ZFAND6: variants seen among roughly 807,000 people sequenced by gnomAD.
ZFAND6 encodes zinc finger AN1-type containing 6, also known as AN1-type zinc finger protein 6.
A neutral mutation model predicts 24.5 loss-of-function variants in ZFAND6; 12 were observed. The ratio of observed to expected loss-of-function variants is 0.49; its 90% CI spans 0.31 to 0.79. ZFAND6 has a LOEUF of 0.79. Among genes scored for constraint, ZFAND6 ranks in the 30% least tolerant of loss-of-function variants. The probability of loss-of-function intolerance (pLI) is 0.04; values close to 1 mark genes in which losing one functional copy is unlikely to be tolerated. For missense variants in ZFAND6, 207 were observed against 245.9 expected (o/e 0.84, Z 1.06); for synonymous variants, 92 against 81.5 (o/e 1.13, Z -0.69).
intron 2 of ZFAND6, among the ~76,000 whole-genome samples, chr15:80,107,209 C>G (rs987891467): frequency 6.6e-6 from 1 of 151,242 alleles, no homozygotes; most frequent in Non-Finnish European, 1.5e-5. Flanking sequence ...GAGCAAAATT[C>G]CGTGTCAAAA....
At chr15:80,092,584 G>T (rs1388033982) in intron 1 of ZFAND6, among the ~76,000 whole-genome samples, 1 of 152,104 alleles carries the variant, frequency 6.6e-6, no homozygotes, top group East Asian at 1.9e-4. Context: ...TAAGAGAGAG[G>T]GGGGAAAGTT....
At chr15:80,072,007 A>G (rs16971695) in intron 1 of ZFAND6, among the ~76,000 whole-genome samples, 13,139 of 152,120 alleles carry the variant, frequency 0.086, 653 homozygotes, top group East Asian at 0.19. Flanking sequence ...AATGTCAGTG[A>G]GTTTGATAGC....
intron 6 of ZFAND6, among the ~76,000 whole-genome samples, chr15:80,137,196 C>T (rs1053539360): frequency 6.6e-6 from 1 of 152,224 alleles, no homozygotes; most frequent in Admixed American, 6.5e-5. Context: ...TTTACATTTT[C>T]AACCTAGCAA....
At chr15:80,093,798 C>A (rs952282970) in intron 1 of ZFAND6, among the ~76,000 whole-genome samples, 2 of 152,208 alleles carry the variant, frequency 1.3e-5, no homozygotes, top group African/African-American at 4.8e-5. Context: ...CTACTGCCTT[C>A]TCAATGGAAG....
chr15:80,113,983 A>G (rs2039738898), intron 2 of ZFAND6, among the ~76,000 whole-genome samples: 1 of 152,106 alleles, frequency 6.6e-6, no homozygotes, highest in African/African-American at 2.4e-5. Flanking sequence ...TGAAGTAGAT[A>G]GGATTATTAC....
chr15:80,087,683 T>C (rs921138893), intron 1 of ZFAND6, among the ~76,000 whole-genome samples: 2 of 152,228 alleles, frequency 1.3e-5, no homozygotes, highest in Admixed American at 6.5e-5. Context: ...TAGTTTTGTT[T>C]TGACACTACT....
At chr15:80,062,287 G>A (rs1468701561) in intron 1 of ZFAND6, among the ~76,000 whole-genome samples, 1 of 152,158 alleles carries the variant, frequency 6.6e-6, no homozygotes, top group Non-Finnish European at 1.5e-5. Flanking sequence ...CCCTTTAAGG[G>A]AAAGCATTAG....
chr15:80,095,538 G>C (rs767555773), intron 1 of ZFAND6, among the ~76,000 whole-genome samples: 1 of 152,008 alleles, frequency 6.6e-6, no homozygotes, highest in East Asian at 1.9e-4. Context: ...ACATTCTTTG[G>C]TAACTTTGTC....
At chr15:80,093,979 A>C (rs34710070) in intron 1 of ZFAND6, among the ~76,000 whole-genome samples, 5,450 of 149,570 alleles carry the variant, frequency 0.036, 155 homozygotes, top group South Asian at 0.14. Flanking sequence ...TGGCACTTAC[A>C]TTTGGTATTT....
intron 5 of ZFAND6, among the ~76,000 whole-genome samples, chr15:80,128,258 T>C (rs1051710423): frequency 3.3e-5 from 5 of 152,220 alleles, no homozygotes; most frequent in Admixed American, 3.3e-4. Context: ...AATAGTTTTA[T>C]AACCTTGTGA....
chr15:80,080,410 C>G lies in ZFAND6; in HGVS notation c.-180-18006C>G, dbSNP rs534129042. Among the ~76,000 whole-genome samples the G allele has an allele frequency of 3.3e-5, 5 of 152,234 alleles. No individual in the cohort carries two copies. The East Asian group carries it at 9.6e-4, about 29-fold the overall frequency. On this transcript the variant is annotated intron_variant, in intron 1 of 6. Transcript: ENST00000261749. ...AGACCCACTGTGGATAGTACCAAAC[C>G]TATATTTGCTGTGTTTTGTCCTATA... is the stretch of plus-strand genomic sequence containing the variant.
chr15:80,060,034 G>C (rs2141756313), intron 1 of ZFAND6: 1 of 150,952 alleles, frequency 6.6e-6, no homozygotes, highest in Middle Eastern at 3.4e-3. Flanking sequence ...GCCGGAGATC[G>C]GCGGGTTCAC....
intron 2 of ZFAND6, among the ~76,000 whole-genome samples, chr15:80,117,284 A>G (rs762017777): frequency 2.0e-4 from 31 of 151,498 alleles, no homozygotes; most frequent in Non-Finnish European, 2.8e-4. Context: ...GTGCAGTGGC[A>G]CGATCTTGGC....
At chr15:80,087,736 T>G (rs2038087721) in intron 1 of ZFAND6, among the ~76,000 whole-genome samples, 1 of 152,208 alleles carries the variant, frequency 6.6e-6, no homozygotes. Flanking sequence ...ATTTTCAAAC[T>G]TTTACATAGT....
chr15:80,086,893 A>C (rs1446701416), intron 1 of ZFAND6, among the ~76,000 whole-genome samples: 1 of 152,210 alleles, frequency 6.6e-6, no homozygotes, highest in Non-Finnish European at 1.5e-5. Context: ...CAAGTATTTC[A>C]CGTAAGTGGA....
At chr15:80,075,250 GACAAC>G (rs749805719) in intron 1 of ZFAND6, 3 of 195,380 alleles carry the variant, frequency 1.5e-5, no homozygotes, top group African/African-American at 7.2e-5. Context: ...TTGGTAATTT[GACAAC>G]ATGTAATTTG....
At chr15:80,085,029 T>C (rs2037906549) in intron 1 of ZFAND6, among the ~76,000 whole-genome samples, 1 of 152,236 alleles carries the variant, frequency 6.6e-6, no homozygotes, top group Non-Finnish European at 1.5e-5. Flanking sequence ...CTTTGTTTCC[T>C]GCCCTAACTG....
At chr15:80,101,444 C>G (rs866391129) in intron 2 of ZFAND6, among the ~76,000 whole-genome samples, 12 of 151,888 alleles carry the variant, frequency 7.9e-5, no homozygotes, top group African/African-American at 2.9e-4. Flanking sequence ...GCCTGGGCGA[C>G]AAGGCAAGAC....
At chr15:80,090,777 TAGC>T (rs895551889) in intron 1 of ZFAND6, among the ~76,000 whole-genome samples, 5 of 152,306 alleles carry the variant, frequency 3.3e-5, no homozygotes, top group Admixed American at 6.5e-5. Flanking sequence ...AAAAGACAAA[TAGC>T]AGGTGATGGG....
Sources: gnomAD v4.1 joint callset for allele counts (sites outside exome capture counted in the v4.1 genomes callset) on GRCh38, gnomAD v4.1.1 for gene constraint, MANE v1.5 for transcripts, NCBI Gene and HGNC (gene_info 2026-07-23, HGNC 2026-07-21) for gene names.